PSMD6: variants seen among roughly 807,000 people sequenced by gnomAD.
PSMD6 encodes the protein 26S proteasome non-ATPase regulatory subunit 6.
In PSMD6, 7 loss-of-function variants were observed where a neutral mutation model predicts 44.9. The ratio of observed to expected loss-of-function variants is 0.16; its 90% CI spans 0.09 to 0.29. The LOEUF (loss-of-function observed/expected upper bound fraction) is 0.29. PSMD6 is among the 10% of genes least tolerant of loss of function. The probability of loss-of-function intolerance (pLI) is 1.00; values close to 1 mark genes in which losing one functional copy is unlikely to be tolerated. For missense variants in PSMD6, 420 were observed against 482.6 expected (o/e 0.87, Z 1.21); for synonymous variants, 184 against 172.7 (o/e 1.07, Z -0.51).
Position 64,023,436 on chromosome 3 carries a change from G to A in PSMD6, c.-17C>T, listed in dbSNP as rs1036950265. ...CAGCGGCATCGCGGCGAAGGGGACAGCGGCTGACAGGACACAACTTGGTTA... is the reference window on the plus strand; with the variant it reads ...CAGCGGCATCGCGGCGAAGGGGACAACGGCTGACAGGACACAACTTGGTTA... On this transcript the variant is annotated 5_prime_UTR_variant, in exon 1 of 8. Transcript: ENST00000295901. The A allele has an allele frequency of 1.3e-6, 2 of 1,586,878 alleles. No individual in the cohort carries two copies. Among genetic ancestry groups the A allele is most frequent in the Non-Finnish European group, 1.7e-6 (2 of 1,162,674 alleles).
At chr3:64,023,536 GT>G, upstream of PSMD6, 1 of 1,402,754 alleles carries the variant, frequency 7.1e-7, no homozygotes, top group Admixed American at 3.2e-5. Flanking sequence ...TTCCGGTCCC[GT>G]CTCCGCCGGC....
Position 64,013,263 on chromosome 3 carries a change from A to G in PSMD6, c.995+176T>C, listed in dbSNP as rs1028139596. On this transcript the variant is annotated intron_variant, in intron 6 of 7. Coordinates refer to ENST00000295901, the MANE Select transcript of PSMD6 (RefSeq NM_014814.3). The stretch of plus-strand genomic sequence containing the variant: ...TGTTAATGCAAGGGGCAGACATGAC[A>G]TGAGGAAGGCAGAGGCAACAGGATA... The G allele has an allele frequency of 5.4e-6, 3 of 553,312 alleles. No homozygotes were observed. In the African/African-American group the frequency reaches 5.9e-5, roughly 11 times the overall value. 34.3% of individuals were successfully genotyped at this position (553,312 alleles called of 1,614,324 possible).
At chr3:64,017,514 G>A (rs1356836493) in intron 5 of PSMD6, 2 of 152,148 alleles carry the variant, frequency 1.3e-5, no homozygotes, top group African/African-American at 2.4e-5. Context: ...TGATGACCAG[G>A]AGACCTCAAG....
At chr3:64,019,782 C>A in intron 2 of PSMD6, 1 of 192,312 alleles carries the variant, frequency 5.2e-6, no homozygotes, top group Non-Finnish European at 1.0e-5. Context: ...TACACTACAT[C>A]AAAATAACAT....
Position 64,019,016 on chromosome 3 carries a change from G to T in PSMD6, c.519C>A (p.Asp173Glu). The T allele has an allele frequency of 6.2e-7, 1 of 1,607,134 alleles. No homozygotes were observed. The highest frequency in any genetic ancestry group is 8.5e-7 in the Non-Finnish European group (1 of 1,173,708). Reference protein sequence around the residue: ...KAKSLIEEGGDWDRRNRLKVY... With the variant: ...KAKSLIEEGGEWDRRNRLKVY... ...CTTTTAGGCGGTTTCTCCTGTCCCA[G>T]TCTCCTCCTTCTTCTATTAAGCTAT... The change falls in exon 4 of 8, where the codon GAC (aspartate) becomes GAA (glutamate). Residue 173 changes from aspartate to glutamate, a missense_variant. Coordinates refer to ENST00000295901, the MANE Select transcript of PSMD6 (RefSeq NM_014814.3).
chr3:64,021,079 A>G (rs182245756), intron 2 of PSMD6, among the ~76,000 whole-genome samples: 11 of 152,308 alleles, frequency 7.2e-5, no homozygotes, highest in Admixed American at 6.5e-4. Flanking sequence ...AAAAGAAGAA[A>G]AAAAAAAACT....
At chr3:64,023,571 G>A, upstream of PSMD6, 1 of 1,415,826 alleles carries the variant, frequency 7.1e-7, no homozygotes, top group Non-Finnish European at 9.2e-7. Context: ...GGACACCTCC[G>A]GGAACGCCTC....
Position 64,022,412 on chromosome 3 carries a change from T to C in PSMD6, c.257A>G (p.Glu86Gly). 6.2e-7 allele frequency: 1 copy of C among 1,614,250 alleles called. No individual in the cohort carries two copies. The highest frequency in any genetic ancestry group is 8.5e-7 in the Non-Finnish European group (1 of 1,180,040). Reference sequence around the variant, plus strand: ...ATTCTTCTCTGCATCTTCCAGCTCCTCATCCAAACGCTTCAACTCATCTTC... The same window carrying C: ...ATTCTTCTCTGCATCTTCCAGCTCCCCATCCAAACGCTTCAACTCATCTTC... ...ANEDELKRLD[E>G]ELEDAEKNLG... The change falls in exon 2 of 8, where the codon GAG (glutamate) becomes GGG (glycine). Residue 86 changes from glutamate to glycine, a missense_variant. By Grantham distance (98) the Glu-to-Gly change is moderately conservative (BLOSUM62 -2). Coordinates refer to ENST00000295901, the MANE Select transcript of PSMD6 (RefSeq NM_014814.3).
chr3:64,011,181 A>C, intron 6 of PSMD6: 1 of 395,924 alleles, frequency 2.5e-6, no homozygotes. Flanking sequence ...ATAGATAGAA[A>C]GTAGATCAAA....
intron 2 of PSMD6, 25 bp downstream of exon 2, chr3:64,022,293 G>A (rs756350834): frequency 4.3e-6 from 7 of 1,612,594 alleles, no homozygotes; most frequent in Non-Finnish European, 5.1e-6. Context: ...ACTAACTACA[G>A]AGAGGGAAAA....
At chr3:64,020,969 T>C (rs2076119447) in intron 2 of PSMD6, among the ~76,000 whole-genome samples, 1 of 152,172 alleles carries the variant, frequency 6.6e-6, no homozygotes, top group South Asian at 2.1e-4. Flanking sequence ...AGTTACTCAA[T>C]TAAATTTCAA....
chr3:64,021,832 C>G (rs1019077111), intron 2 of PSMD6, among the ~76,000 whole-genome samples: 2 of 151,144 alleles, frequency 1.3e-5, no homozygotes, highest in Non-Finnish European at 2.9e-5. Flanking sequence ...AAAAAATTAC[C>G]AAAAAGTTTG....
At position 64,023,383 on chromosome 3, in the gene PSMD6, T is replaced by C; in HGVS notation, c.37A>G (p.Lys13Glu). ...LENLEEEGLPKNPDLRIAQLR... is the reference protein window; with the variant it reads ...LENLEEEGLPENPDLRIAQLR... ...TGCGCGATACGCAAGTCGGGGTTCT[T>C]GGGCAGACCCTCCTCCTCCAGGTTC... is the stretch of plus-strand genomic sequence containing the variant. The change falls in exon 1 of 8, where the codon AAG (lysine) becomes GAG (glutamate). Residue 13 changes from lysine to glutamate, a missense_variant. Coordinates refer to ENST00000295901, the MANE Select transcript of PSMD6 (RefSeq NM_014814.3). The C allele has an allele frequency of 6.2e-7, 1 of 1,610,728 alleles. No homozygotes were observed. The highest frequency in any genetic ancestry group is 1.1e-5 in the South Asian group (1 of 90,898).
intron 2 of PSMD6, among the ~76,000 whole-genome samples, chr3:64,020,123 G>A (rs769196237): frequency 2.6e-5 from 4 of 152,134 alleles, no homozygotes; most frequent in Non-Finnish European, 4.4e-5. Flanking sequence ...GAAAATAACA[G>A]GTGAACCTGT....
In PSMD6 at chr3:64,019,209, G is replaced by A. The variant is rs528533236; in HGVS notation, c.497+87C>T. The stretch of plus-strand genomic sequence containing the variant: ...AATTATTTGACCAAACTTACTAGCT[G>A]TAAACAAAACAGGCAGTTTCTTATA... On this transcript the variant is annotated intron_variant, in intron 3 of 7. Transcript: ENST00000295901. The A allele has an allele frequency of 4.1e-6, 6 of 1,476,474 alleles. No homozygotes were observed. In the South Asian group the frequency reaches 4.9e-5, roughly 12 times the overall value. 91.5% of individuals were successfully genotyped at this position (1,476,474 alleles called of 1,614,324 possible). A position where few individuals can be genotyped will look rare whatever the true frequency, so the allele number is the denominator to read the frequency against.
chr3:64,023,511 C>A (rs983756607), upstream of PSMD6: 461 of 1,418,046 alleles, frequency 3.3e-4, no homozygotes, highest in Non-Finnish European at 4.1e-4. Flanking sequence ...TACGCCCGGC[C>A]GCCTGCGGCC....
intron 2 of PSMD6, among the ~76,000 whole-genome samples, chr3:64,020,602 C>T (rs571400726): frequency 2.6e-5 from 4 of 152,258 alleles, no homozygotes; most frequent in African/African-American, 9.6e-5. Context: ...CAAATTTTTA[C>T]AATGACCACG....
At chr3:64,018,438 C>T (rs2076081465) in intron 5 of PSMD6, 161 bp downstream of exon 5, 1 of 559,994 alleles carries the variant, frequency 1.8e-6, no homozygotes, top group Admixed American at 3.5e-5. Flanking sequence ...GATGACCCTT[C>T]TTCTAAACAA....
chr3:64,010,789 G>A (rs1280065867), intron 7 of PSMD6, 25 bp from the exon 8 acceptor site: 2 of 1,582,780 alleles, frequency 1.3e-6, no homozygotes, highest in African/African-American at 2.7e-5. Flanking sequence ...AAGAAAAAAT[G>A]AATTATTTAC....
Sources: allele counts gnomAD v4.1 joint callset (sites outside exome capture counted in the v4.1 genomes callset), GRCh38; gene constraint gnomAD v4.1.1; transcripts MANE v1.5; gene names NCBI Gene and HGNC (gene_info 2026-07-23, HGNC 2026-07-21).